SKIC3: variants seen among roughly 807,000 people sequenced by gnomAD.
SKIC3 encodes the protein SKI3 subunit of superkiller complex.
the SKIC3 span, chr5:95,497,615 T>A: frequency 2.9e-6 from 2 of 686,020 alleles, no homozygotes; most frequent in Non-Finnish European, 5.1e-6. Context: ...TAATTGCGCA[T>A]GTTTGGTTGA....
chr5:95,530,330 A>C, the SKIC3 span: 5 of 1,305,722 alleles, frequency 3.8e-6, no homozygotes, highest in Admixed American at 7.6e-5. Flanking sequence ...ATTCTTATGC[A>C]TTCTTCACCA....
At chr5:95,554,416 G>T in the SKIC3 span, among the ~76,000 whole-genome samples, 1 of 152,266 alleles carries the variant, frequency 6.6e-6, no homozygotes, top group Non-Finnish European at 1.5e-5. Flanking sequence ...AGTCAAAAGA[G>T]ACCGGTTTTT....
chr5:95,514,600 G>A, the SKIC3 span, among the ~76,000 whole-genome samples: 3 of 152,210 alleles, frequency 2.0e-5, no homozygotes, highest in East Asian at 1.9e-4. Context: ...TACAAGCTAC[G>A]TGGCCTTAGG....
At chr5:95,465,296 T>C in the SKIC3 span, among the ~76,000 whole-genome samples, 3 of 152,210 alleles carry the variant, frequency 2.0e-5, no homozygotes, top group Non-Finnish European at 2.9e-5. Context: ...TTAATAATAC[T>C]GTCACCTCTA....
chr5:95,542,421 C>T, the SKIC3 span, among the ~76,000 whole-genome samples: 1 of 151,832 alleles, frequency 6.6e-6, no homozygotes, highest in Non-Finnish European at 1.5e-5. Flanking sequence ...CCACTGGTGG[C>T]GGGGGAGGCA....
chr5:95,515,194 A>G, the SKIC3 span: 1 of 385,530 alleles, frequency 2.6e-6, no homozygotes, highest in African/African-American at 2.1e-5. Flanking sequence ...AGAACTTTTA[A>G]CCAACCAATC....
At chr5:95,554,521 G>C in the SKIC3 span, among the ~76,000 whole-genome samples, 1 of 152,100 alleles carries the variant, frequency 6.6e-6, no homozygotes, top group Non-Finnish European at 1.5e-5. Context: ...TATCTCCTTT[G>C]CTCTCTGAAG....
chr5:95,495,201 G>T, the SKIC3 span: 2 of 595,660 alleles, frequency 3.4e-6, no homozygotes, highest in Non-Finnish European at 5.9e-6. Context: ...ATAATCTTGT[G>T]AAAGGAAATC....
At chr5:95,521,970 T>G in the SKIC3 span, 1 of 1,569,294 alleles carries the variant, frequency 6.4e-7, no homozygotes, top group Non-Finnish European at 8.7e-7. Flanking sequence ...TTCAAGTTAT[T>G]CAATACATTT....
At chr5:95,490,399 T>G in the SKIC3 span, among the ~76,000 whole-genome samples, 1 of 148,006 alleles carries the variant, frequency 6.8e-6, no homozygotes, top group Non-Finnish European at 1.5e-5. Context: ...TTTTAATGAA[T>G]ATATATATAT....
the SKIC3 span, among the ~76,000 whole-genome samples, chr5:95,534,914 A>G: frequency 1.3e-5 from 2 of 152,204 alleles, no homozygotes; most frequent in Non-Finnish European, 2.9e-5. Context: ...CTGCCCCATT[A>G]ACATCTCCTC....
chr5:95,554,239 A>G, the SKIC3 span, among the ~76,000 whole-genome samples: 1 of 152,328 alleles, frequency 6.6e-6, no homozygotes, highest in Middle Eastern at 3.4e-3. Flanking sequence ...GCCAGATATT[A>G]GTATTCAGTT....
chr5:95,466,460 A>G, the SKIC3 span, among the ~76,000 whole-genome samples: 1 of 152,226 alleles, frequency 6.6e-6, no homozygotes, highest in East Asian at 1.9e-4. Context: ...TGCATAGGAC[A>G]GTACCCACCC....
At chr5:95,481,621 C>T in the SKIC3 span, among the ~76,000 whole-genome samples, 3 of 152,008 alleles carry the variant, frequency 2.0e-5, no homozygotes, top group Non-Finnish European at 2.9e-5. Context: ...GATTAAGTAT[C>T]TAAGGTCAGC....
chr5:95,505,695 T>C, the SKIC3 span, among the ~76,000 whole-genome samples: 249 of 151,810 alleles, frequency 1.6e-3, 2 homozygotes, highest in African/African-American at 5.8e-3. Context: ...CACCTGTAAT[T>C]CCAGCTACTC....
chr5:95,545,708 C>G, the SKIC3 span, among the ~76,000 whole-genome samples: 1 of 152,194 alleles, frequency 6.6e-6, no homozygotes, highest in African/African-American at 2.4e-5. Context: ...ACCCCACTAC[C>G]TTTGAAGCTC....
chr5:95,504,084 G>T, the SKIC3 span: 1 of 365,002 alleles, frequency 2.7e-6, no homozygotes, highest in East Asian at 7.2e-5. Context: ...CCAGGCGGGG[G>T]GTGGGGGTGG....
At chr5:95,465,399 T>C in the SKIC3 span, among the ~76,000 whole-genome samples, 1 of 152,214 alleles carries the variant, frequency 6.6e-6, no homozygotes. Flanking sequence ...GGCTATAGGT[T>C]CTAGGCTTTA....
At chr5:95,525,394 T>G in the SKIC3 span, 2 of 1,613,386 alleles carry the variant, frequency 1.2e-6, no homozygotes, top group African/African-American at 2.7e-5. Context: ...TTATATATCC[T>G]TACCATTTTT....
Sources: allele counts gnomAD v4.1 joint callset (sites outside exome capture counted in the v4.1 genomes callset), GRCh38; gene constraint gnomAD v4.1.1; transcripts MANE v1.5; gene names NCBI Gene and HGNC (gene_info 2026-07-23, HGNC 2026-07-21).